The following RBBP7 variants were observed in gnomAD, a reference collection of about 807,000 sequenced individuals.
RBBP7 encodes the protein histone-binding protein RBBP7.
RBBP7 carries 5 observed loss-of-function variants against 35.2 expected under a neutral mutation model. That is an observed-to-expected ratio of 0.14 (90% CI 0.07 to 0.30). RBBP7 has a LOEUF of 0.30. Ranked by LOEUF, RBBP7 falls within the 10% of genes least tolerant of loss-of-function variation. RBBP7 has a pLI of 1.00. For missense variants in RBBP7, 155 were observed against 327.5 expected (o/e 0.47, Z 4.07); for synonymous variants, 140 against 118.7 (o/e 1.18, Z -1.17).
chrX:16,858,193 A>T (rs1397210835), intron 4 of RBBP7, among the ~76,000 whole-genome samples: 1 of 111,518 alleles, frequency 9.0e-6, no homozygotes, highest in Non-Finnish European at 1.9e-5. Flanking sequence ...AAGATTCACA[A>T]TGTATTTGGC....
intron 1 of RBBP7, 187 bp downstream of exon 1, chrX:16,869,851 G>A: frequency 2.3e-6 from 2 of 864,599 alleles, no homozygotes; most frequent in East Asian, 5.9e-5. Context: ...GGCTCCGGAA[G>A]TGCTCGGAGC....
intron 6 of RBBP7, chrX:16,853,175 A>G (rs1046155643): frequency 5.8e-5 from 15 of 258,236 alleles, no homozygotes; most frequent in African/African-American, 3.8e-4. Context: ...TGATACCTAA[A>G]ACTAGTTTTG....
intron 3 of RBBP7, 70 bp from the exon 4 acceptor site, chrX:16,858,919 C>T (rs1930407787): frequency 8.6e-7 from 1 of 1,160,189 alleles, no homozygotes; most frequent in Admixed American, 2.3e-5. Context: ...TTAGTTCAAT[C>T]AACCTAACAG....
At chrX:16,859,807 C>A (rs1471826754) in intron 3 of RBBP7, among the ~76,000 whole-genome samples, 1 of 111,193 alleles carries the variant, frequency 9.0e-6, no homozygotes, top group Non-Finnish European at 1.9e-5. Flanking sequence ...TAGACCGGGG[C>A]CTGGAGCAAC....
At position 16,853,661 on chromosome X, in the gene RBBP7, C is replaced by T. The variant is rs1930268266; in HGVS notation, c.758+21G>A. 5 of 1,099,242 alleles carry T rather than the reference C, an allele frequency of 4.5e-6. No individual in the cohort carries two copies. In the Admixed American group the frequency reaches 1.6e-4, roughly 35 times the overall value. 90.6% of individuals were successfully genotyped at this position (1,099,242 alleles called of 1,213,427 possible). A position where few individuals can be genotyped will look rare whatever the true frequency, so the allele number is the denominator to read the frequency against. On this transcript the variant is annotated intron_variant, in intron 6 of 11. Transcript: ENST00000380087. ...TTCAGGTCACCCATTTAACAAGATC[C>T]CACTGAATTTTCCACCTTACATCAT...
chrX:16,846,849 G>C (rs1451589780), intron 10 of RBBP7: 1 of 112,004 alleles, frequency 8.9e-6, no homozygotes, highest in Non-Finnish European at 1.9e-5. Flanking sequence ...ATATGAGGTG[G>C]GGCTGGGTAA....
At position 16,870,115 on chromosome X, in the gene RBBP7, C is replaced by T; in HGVS notation, c.-62G>A. On this transcript the variant is annotated 5_prime_UTR_variant, in exon 1 of 12. Coordinates refer to ENST00000380087, the MANE Select transcript of RBBP7 (RefSeq NM_002893.4). ...GACTCCTCTCGTTAGCCAAGAGCAG[C>T]CCGACCGCTGGCGCTCCTGCCTTTC... is the stretch of plus-strand genomic sequence containing the variant. 2 of 1,052,411 alleles carry T rather than the reference C, an allele frequency of 1.9e-6. No individual in the cohort carries two copies. The highest frequency in any genetic ancestry group is 2.5e-6 in the Non-Finnish European group (2 of 810,635). 86.7% of individuals were successfully genotyped at this position (1,052,411 alleles called of 1,213,427 possible).
Position 16,844,981 on chromosome X carries a change from A to G in RBBP7, c.*54T>C. 2 of 1,103,021 alleles carry G rather than the reference A, an allele frequency of 1.8e-6. No individual in the cohort carries two copies. The highest frequency in any genetic ancestry group is 3.8e-5 in the South Asian group (2 of 52,759). 90.9% of individuals were successfully genotyped at this position (1,103,021 alleles called of 1,213,427 possible). ...ACAATGCCTTTTTGGCGCTTGATAA[A>G]TCAAGCATTCATGTAGCATTACATT... On this transcript the variant is annotated 3_prime_UTR_variant, in exon 12 of 12. Coordinates refer to ENST00000380087, the MANE Select transcript of RBBP7 (RefSeq NM_002893.4).
Position 16,844,995 on chromosome X carries a change from TAGCATTAC to T in RBBP7, c.*32_*39del, listed in dbSNP as rs2147509723. The T allele has an allele frequency of 8.8e-7, 1 of 1,136,767 alleles. No homozygotes were observed. Among genetic ancestry groups the T allele is most frequent in the East Asian group, 3.0e-5 (1 of 33,491 alleles). The allele number at this position is 1,136,767 out of a possible 1,213,427, so 93.7% of individuals were successfully genotyped here. A position where few individuals can be genotyped will look rare whatever the true frequency, so the allele number is the denominator to read the frequency against. On this transcript the variant is annotated 3_prime_UTR_variant, in exon 12 of 12. Transcript: ENST00000380087. ...GCGCTTGATAAATCAAGCATTCATGTAGCATTACATTCAACAGAAACATTTCTCGTACT... is the reference window on the plus strand; with the variant it reads ...GCGCTTGATAAATCAAGCATTCATGTATTCAACAGAAACATTTCTCGTACT...
At position 16,870,175 on chromosome X, in the gene RBBP7, G is replaced by T. The variant is rs1290702209; in HGVS notation, c.-122C>A. On this transcript the variant is annotated 5_prime_UTR_variant, in exon 1 of 12. Coordinates refer to ENST00000380087, the MANE Select transcript of RBBP7 (RefSeq NM_002893.4). Reference sequence around the variant, plus strand: ...TCACACTCCCCACTGTCGAAAGCCCGGGCCCCGTCTTGCTGCCTGGGTGCT... The same window carrying T: ...TCACACTCCCCACTGTCGAAAGCCCTGGCCCCGTCTTGCTGCCTGGGTGCT... The T allele has an allele frequency of 1.1e-5, 10 of 870,432 alleles. No individual in the cohort carries two copies. Among genetic ancestry groups the T allele is most frequent in the Non-Finnish European group, 1.4e-5 (10 of 699,728 alleles). 71.7% of individuals were successfully genotyped at this position (870,432 alleles called of 1,213,427 possible).
At chrX:16,863,963 C>T (rs1930533625) in intron 2 of RBBP7, among the ~76,000 whole-genome samples, 1 of 111,102 alleles carries the variant, frequency 9.0e-6, no homozygotes, top group Admixed American at 9.6e-5. Flanking sequence ...GGGGTCTAGG[C>T]CCTAACACAA....
chrX:16,869,463 A>C lies in RBBP7; in HGVS notation c.17-243T>G, dbSNP rs748147714. 2.0e-5 allele frequency: 23 copies of C among 1,159,620 alleles called. No individual in the cohort carries two copies. In the South Asian group the frequency reaches 2.9e-4, roughly 15 times the overall value. On this transcript the variant is annotated intron_variant, in intron 1 of 11. Coordinates refer to ENST00000380087, the MANE Select transcript of RBBP7 (RefSeq NM_002893.4). Reference sequence around the variant, plus strand: ...TGGGTAGTCAATTACACGGACATGGAAATTGTTTACCCTGTTACAGCTGTT... The same window carrying C: ...TGGGTAGTCAATTACACGGACATGGCAATTGTTTACCCTGTTACAGCTGTT...
At chrX:16,852,995 C>A in intron 6 of RBBP7, 120 bp from the exon 7 acceptor site, 1 of 1,085,639 alleles carries the variant, frequency 9.2e-7, no homozygotes, top group Non-Finnish European at 1.2e-6. Flanking sequence ...ATGAAGAAAC[C>A]AACCACACAG....
At chrX:16,856,911 TTCA>T (rs1930367015) in intron 5 of RBBP7, among the ~76,000 whole-genome samples, 1 of 111,799 alleles carries the variant, frequency 8.9e-6, no homozygotes, top group Non-Finnish European at 1.9e-5. Context: ...ACTCAAATGG[TTCA>T]TCAACTGACA....
At chrX:16,868,594 G>A (rs1221904053) in intron 2 of RBBP7, among the ~76,000 whole-genome samples, 2 of 112,393 alleles carry the variant, frequency 1.8e-5, no homozygotes, top group East Asian at 5.5e-4. Flanking sequence ...TATTCCATAA[G>A]CCGATAACAT....
At chrX:16,863,433 C>T (rs2054801968) in intron 2 of RBBP7, among the ~76,000 whole-genome samples, 1 of 111,771 alleles carries the variant, frequency 8.9e-6, no homozygotes, top group Admixed American at 9.5e-5. Context: ...AACATCTACA[C>T]AGGAATCCAC....
chrX:16,857,527 CCTT>C, intron 5 of RBBP7, 64 bp downstream of exon 5: 1 of 1,193,985 alleles, frequency 8.4e-7, no homozygotes, highest in Non-Finnish European at 1.1e-6. Context: ...ATATAGTACT[CCTT>C]CAGCACAGCT....
intron 2 of RBBP7, among the ~76,000 whole-genome samples, chrX:16,863,558 T>C (rs755325733): frequency 2.7e-5 from 3 of 112,014 alleles, no homozygotes; most frequent in Non-Finnish European, 5.6e-5. Context: ...TTCTACAAGG[T>C]AGTATGGACA....
In RBBP7 at chrX:16,869,059, T is replaced by G; in HGVS notation, c.161+17A>C. 1 of 1,185,143 alleles carries G rather than the reference T, an allele frequency of 8.4e-7. No individual in the cohort carries two copies. Among genetic ancestry groups the G allele is most frequent in the Non-Finnish European group, 1.1e-6 (1 of 887,097 alleles). On this transcript the variant is annotated intron_variant, in intron 2 of 11. Transcript: ENST00000380087. Reference sequence around the variant, plus strand: ...CAGTTAAATTTAAACAAAATAAAAGTTGCCAGAAACCCTTACTTAGTCACT... The same window carrying G: ...CAGTTAAATTTAAACAAAATAAAAGGTGCCAGAAACCCTTACTTAGTCACT...
Sources: allele counts gnomAD v4.1 joint callset (sites outside exome capture counted in the v4.1 genomes callset), GRCh38; gene constraint gnomAD v4.1.1; transcripts MANE v1.5; gene names NCBI Gene and HGNC (gene_info 2026-07-23, HGNC 2026-07-21).